Variants in FAF1 observed in about 807,000 individuals in gnomAD.
The protein encoded by FAF1 is Fas associated factor 1, also known as FAS-associated factor 1.
Under a neutral mutation model 92.5 loss-of-function variants are expected in FAF1, and 25 were observed. That is an observed-to-expected ratio of 0.27 (90% CI 0.20 to 0.38). The LOEUF (loss-of-function observed/expected upper bound fraction) is 0.38, where lower values mean the gene tolerates loss of function less well. Among genes scored for constraint, FAF1 ranks in the 10% least tolerant of loss-of-function variants. FAF1 has a pLI of 1.00. For synonymous variants in FAF1, 234 were observed against 273.2 expected (o/e 0.86, Z 1.42); for missense variants, 636 against 793.3 (o/e 0.80, Z 2.38).
At chr1:50,663,309 T>C (rs914457567) in intron 7 of FAF1, among the ~76,000 whole-genome samples, 2 of 151,668 alleles carry the variant, frequency 1.3e-5, no homozygotes, top group African/African-American at 4.9e-5. Flanking sequence ...ACCTAGTGTA[T>C]AGAACACTCT....
intron 8 of FAF1, among the ~76,000 whole-genome samples, chr1:50,653,950 G>C (rs1223498302): frequency 1.3e-5 from 2 of 152,212 alleles, no homozygotes; most frequent in East Asian, 3.9e-4. Context: ...TTACAGGTGT[G>C]AGTCACCGTG....
intron 18 of FAF1, chr1:50,471,001 T>C (rs1317346940): frequency 6.6e-6 from 1 of 152,272 alleles, no homozygotes; most frequent in Non-Finnish European, 1.5e-5. Flanking sequence ...TGTGTGTTTT[T>C]ACTATAACGT....
intron 1 of FAF1, among the ~76,000 whole-genome samples, chr1:50,881,606 T>C (rs1644612765): frequency 6.6e-6 from 1 of 152,204 alleles, no homozygotes; most frequent in African/African-American, 2.4e-5. Context: ...AATACTTCCA[T>C]ACATGTCAGT....
At chr1:50,884,870 T>C (rs1306404528) in intron 1 of FAF1, among the ~76,000 whole-genome samples, 5 of 152,330 alleles carry the variant, frequency 3.3e-5, no homozygotes, top group African/African-American at 1.2e-4. Context: ...ATGTATATAG[T>C]AGAATTTAGC....
chr1:50,872,425 T>C (rs994283631), intron 1 of FAF1, among the ~76,000 whole-genome samples: 3 of 152,232 alleles, frequency 2.0e-5, no homozygotes, highest in Non-Finnish European at 2.9e-5. Flanking sequence ...TTGCTTCTTA[T>C]GGATGAGCAA....
chr1:50,839,111 T>C (rs1397856655), intron 2 of FAF1, among the ~76,000 whole-genome samples: 3 of 152,032 alleles, frequency 2.0e-5, no homozygotes, highest in Non-Finnish European at 4.4e-5. Flanking sequence ...AAAATAAATA[T>C]ATGTTTATTA....
chr1:50,830,129 T>C (rs534416111), intron 2 of FAF1, among the ~76,000 whole-genome samples: 145 of 152,030 alleles, frequency 9.5e-4, no homozygotes, highest in Non-Finnish European at 1.9e-3. Context: ...GTCTTTTTGG[T>C]TTTTTTGAGA....
At chr1:50,934,159 T>C (rs769415110) in intron 1 of FAF1, among the ~76,000 whole-genome samples, 3 of 152,214 alleles carry the variant, frequency 2.0e-5, no homozygotes, top group Non-Finnish European at 4.4e-5. Context: ...CCAGAACTTA[T>C]CAGTTTACCT....
At chr1:50,512,932 C>T (rs1217439887) in intron 15 of FAF1, among the ~76,000 whole-genome samples, 3 of 152,158 alleles carry the variant, frequency 2.0e-5, no homozygotes, top group East Asian at 3.9e-4. Flanking sequence ...TGTTGGTGTC[C>T]ATAAGTGCTT....
At chr1:50,470,146 A>T (rs1646553399) in intron 18 of FAF1, among the ~76,000 whole-genome samples, 1 of 152,214 alleles carries the variant, frequency 6.6e-6, no homozygotes, top group Non-Finnish European at 1.5e-5. Context: ...TTACCATAGG[A>T]AGGTTTTTGT....
chr1:50,942,280 C>T (rs1388866619), intron 1 of FAF1, among the ~76,000 whole-genome samples: 1 of 152,176 alleles, frequency 6.6e-6, no homozygotes, highest in Non-Finnish European at 1.5e-5. Flanking sequence ...GTGGGCAGAT[C>T]GCTTGAGCCC....
At chr1:50,710,727 T>C (rs1157330373) in intron 6 of FAF1, among the ~76,000 whole-genome samples, 1 of 151,462 alleles carries the variant, frequency 6.6e-6, no homozygotes, top group Non-Finnish European at 1.5e-5. Flanking sequence ...CCCAGCCTCC[T>C]GAGTAGCTAG....
At chr1:50,857,681 GA>G (rs1413889024) in intron 2 of FAF1, among the ~76,000 whole-genome samples, 12 of 151,672 alleles carry the variant, frequency 7.9e-5, no homozygotes, top group African/African-American at 2.7e-4. Flanking sequence ...GTGGGAAGAT[GA>G]ACCATAACAC....
At chr1:50,662,780 T>C (rs998250787) in intron 7 of FAF1, among the ~76,000 whole-genome samples, 1 of 133,148 alleles carries the variant, frequency 7.5e-6, no homozygotes, top group African/African-American at 2.9e-5. Flanking sequence ...TCACTGCTGC[T>C]AGCGCCGCCT....
intron 8 of FAF1, among the ~76,000 whole-genome samples, chr1:50,644,979 T>G (rs1325755621): frequency 6.6e-6 from 1 of 152,212 alleles, no homozygotes; most frequent in African/African-American, 2.4e-5. Context: ...AACTTCTCAC[T>G]CTTGTTCAGA....
chr1:50,915,405 A>G (rs1287537730), intron 1 of FAF1, among the ~76,000 whole-genome samples: 2 of 152,078 alleles, frequency 1.3e-5, no homozygotes, highest in Non-Finnish European at 2.9e-5. Context: ...TTACTGAAAA[A>G]CAAACTCCAT....
chr1:50,599,311 C>G (rs1204661538), intron 8 of FAF1, among the ~76,000 whole-genome samples: 1 of 152,062 alleles, frequency 6.6e-6, no homozygotes, highest in Non-Finnish European at 1.5e-5. Flanking sequence ...GGGGTTTTAA[C>G]ACGTTGGCCA....
intron 7 of FAF1, among the ~76,000 whole-genome samples, chr1:50,663,012 G>A (rs536592717): frequency 6.6e-6 from 1 of 151,726 alleles, no homozygotes; most frequent in African/African-American, 2.4e-5. Flanking sequence ...TGTATCTTTA[G>A]TAAAAGGTCA....
At chr1:50,787,860 A>T in intron 4 of FAF1, 140 bp downstream of exon 4, 1 of 648,202 alleles carries the variant, frequency 1.5e-6, no homozygotes, top group Non-Finnish European at 2.7e-6. Flanking sequence ...AAGCATAATA[A>T]TCAGTATTGG....
Sources: allele counts gnomAD v4.1 joint callset (sites outside exome capture counted in the v4.1 genomes callset), GRCh38; gene constraint gnomAD v4.1.1; transcripts MANE v1.5; gene names NCBI Gene and HGNC (gene_info 2026-07-23, HGNC 2026-07-21).